The following IGF2BP3 variants were observed in gnomAD, a reference collection of about 807,000 sequenced individuals.
IGF2BP3 encodes the protein insulin like growth factor 2 mRNA binding protein 3.
In IGF2BP3, 9 loss-of-function variants were observed where a neutral mutation model predicts 73.8. The ratio of observed to expected loss-of-function variants is 0.12; its 90% confidence interval spans 0.07 to 0.21. The LOEUF (loss-of-function observed/expected upper bound fraction) is 0.21, where lower values mean the gene tolerates loss of function less well. Among genes scored for constraint, IGF2BP3 ranks in the 10% least tolerant of loss-of-function variants. IGF2BP3 has a pLI of 1.00. For missense variants in IGF2BP3, 542 were observed against 714.0 expected (o/e 0.76, Z 2.75); for synonymous variants, 258 against 256.7 (o/e 1.01, Z -0.05).
chr7:23,393,369 T>A (rs1786346507), intron 3 of IGF2BP3, among the ~76,000 whole-genome samples: 1 of 152,216 alleles, frequency 6.6e-6, no homozygotes, highest in Non-Finnish European at 1.5e-5. Context: ...GATGATCATC[T>A]CATGCCTAAG....
intron 3 of IGF2BP3, among the ~76,000 whole-genome samples, chr7:23,397,659 C>T (rs139269463): frequency 2.0e-5 from 3 of 152,186 alleles, no homozygotes. Flanking sequence ...AGAAATCCCT[C>T]TAGGTACTGA....
intron 3 of IGF2BP3, among the ~76,000 whole-genome samples, chr7:23,409,600 T>C (rs186436138): frequency 7.2e-5 from 11 of 152,258 alleles, no homozygotes; most frequent in East Asian, 1.9e-4. Context: ...ATATGGTCAA[T>C]TGATTTGTAA....
chr7:23,403,986 T>A (rs1470901374), intron 3 of IGF2BP3, among the ~76,000 whole-genome samples: 5 of 149,952 alleles, frequency 3.3e-5, no homozygotes, highest in African/African-American at 1.0e-4. Context: ...TTTTTTTTTT[T>A]AAATTAATGG....
intron 3 of IGF2BP3, among the ~76,000 whole-genome samples, chr7:23,372,664 C>A (rs1785593781): frequency 6.6e-6 from 1 of 152,142 alleles, no homozygotes; most frequent in East Asian, 1.9e-4. Context: ...TCACACCCTA[C>A]TATAAACTCT....
rs113295903 is a variant in IGF2BP3, at chr7:23,452,574, C to T, written c.236+15908G>A. On this transcript the variant is annotated intron_variant, in intron 2 of 14. Transcript: ENST00000258729. ...ATCCTAACACTTTGGGAGGCTGAGACGGGTGAATCACGAGGTCAGGAGTTC... is the reference window on the plus strand; with the variant it reads ...ATCCTAACACTTTGGGAGGCTGAGATGGGTGAATCACGAGGTCAGGAGTTC... 4.5e-3 allele frequency among the ~76,000 whole-genome samples: 688 copies of T among 152,060 alleles called. 1 individual carries two copies. Among genetic ancestry groups the T allele is most frequent in the Non-Finnish European group, 7.4e-3 (503 of 67,988 alleles).
chr7:23,340,013 A>G (rs568435116), intron 10 of IGF2BP3, among the ~76,000 whole-genome samples: 1 of 152,306 alleles, frequency 6.6e-6, no homozygotes, highest in East Asian at 1.9e-4. Context: ...AAGGCTTTAG[A>G]CACAATTCTT....
At chr7:23,361,300 A>AC in intron 5 of IGF2BP3, 1 of 425,414 alleles carries the variant, frequency 2.4e-6, no homozygotes, top group Non-Finnish European at 4.2e-6. Context: ...TTCATACTAG[A>AC]CCACTCTATT....
chr7:23,312,921 C>A, intron 13 of IGF2BP3, 73 bp from the exon 14 acceptor site: 1 of 874,796 alleles, frequency 1.1e-6, no homozygotes, highest in Non-Finnish European at 1.8e-6. Flanking sequence ...TACTGTGCGC[C>A]AGACAGTGAG....
At chr7:23,447,517 C>T (rs765497072) in intron 2 of IGF2BP3, among the ~76,000 whole-genome samples, 26 of 150,808 alleles carry the variant, frequency 1.7e-4, no homozygotes, top group African/African-American at 4.9e-4. Flanking sequence ...CCCAGCTACT[C>T]GGGAGGCTGA....
intron 3 of IGF2BP3, among the ~76,000 whole-genome samples, chr7:23,383,575 T>A (rs1400040254): frequency 6.6e-6 from 1 of 152,174 alleles, no homozygotes; most frequent in East Asian, 1.9e-4. Context: ...AGTCTGGCAA[T>A]TTCTCAAAAT....
rs112160562 is a variant in IGF2BP3, at chr7:23,356,782, G to A, written c.401+4752C>T. ...GGTAATATGATTTTAAGGATGTACC[G>A]TAATGCAATAAATATGGATGAAGCC... On this transcript the variant is annotated intron_variant, in intron 5 of 14. Transcript: ENST00000258729. Among the ~76,000 whole-genome samples, 50 of 152,204 alleles carry A rather than the reference G, an allele frequency of 3.3e-4. No individual in the cohort carries two copies. The East Asian group carries it at 7.1e-3, about 22-fold the overall frequency.
chr7:23,352,278 ATTTTTTT>A (rs70966011), intron 5 of IGF2BP3, among the ~76,000 whole-genome samples: 11 of 73,760 alleles, frequency 1.5e-4, no homozygotes, highest in East Asian at 1.4e-3. Context: ...TCTCTTTTTC[ATTTTTTT>A]TTTTTTTTTT....
rs1278323731 is a variant in IGF2BP3 at position 23,466,183 on chromosome 7, C to CAG, written c.236+2297_236+2298dup. Among the ~76,000 whole-genome samples the CAG allele has an allele frequency of 3.3e-5, 5 of 152,200 alleles. No homozygotes were observed. The South Asian group carries it at 6.2e-4, about 19-fold the overall frequency. ...GATTACAGGCACCTGCTACCATGCC[C>CAG]AGCTAATTTTTGTATTTTTAGTAGA... On this transcript the variant is annotated intron_variant, in intron 2 of 14. Transcript: ENST00000258729.
chr7:23,375,905 G>A (rs1785702152), intron 3 of IGF2BP3, among the ~76,000 whole-genome samples: 1 of 152,108 alleles, frequency 6.6e-6, no homozygotes, highest in Non-Finnish European at 1.5e-5. Flanking sequence ...GCTCTATGGG[G>A]CCTTATAATA....
chr7:23,389,657 T>G (rs987967352), intron 3 of IGF2BP3, among the ~76,000 whole-genome samples: 3 of 151,684 alleles, frequency 2.0e-5, no homozygotes, highest in African/African-American at 7.3e-5. Flanking sequence ...ATCAGACATA[T>G]ACAGTTGGAG....
intron 3 of IGF2BP3, among the ~76,000 whole-genome samples, chr7:23,395,604 C>A (rs573043788): frequency 7.4e-5 from 11 of 149,520 alleles, no homozygotes; most frequent in African/African-American, 9.8e-5. Context: ...TCTACCCCCA[C>A]CCCCCCAAAA....
At chr7:23,422,137 C>T (rs1787367183) in intron 2 of IGF2BP3, among the ~76,000 whole-genome samples, 1 of 152,238 alleles carries the variant, frequency 6.6e-6, no homozygotes, top group Non-Finnish European at 1.5e-5. Context: ...AGTTAAGAAA[C>T]TAAGTATTCA....
intron 7 of IGF2BP3, among the ~76,000 whole-genome samples, chr7:23,346,804 G>T (rs1784839838): frequency 6.6e-6 from 1 of 152,050 alleles, no homozygotes; most frequent in African/African-American, 2.4e-5. Flanking sequence ...TGTTGGCCAG[G>T]ATGGTCTTGA....
intron 2 of IGF2BP3, among the ~76,000 whole-genome samples, chr7:23,447,685 C>A (rs1319555707): frequency 1.3e-5 from 2 of 151,960 alleles, no homozygotes; most frequent in African/African-American, 4.8e-5. Flanking sequence ...TAAAAGAGAC[C>A]AAACAGGCTG....
Sources: gnomAD v4.1 joint callset for allele counts (sites outside exome capture counted in the v4.1 genomes callset) on GRCh38, gnomAD v4.1.1 for gene constraint, MANE v1.5 for transcripts, NCBI Gene and HGNC (gene_info 2026-07-23, HGNC 2026-07-21) for gene names.